Variants in SLC6A3 observed in about 807,000 individuals in gnomAD.
SLC6A3 encodes sodium-dependent dopamine transporter.
In SLC6A3, 19 loss-of-function variants were observed where a neutral mutation model predicts 70.4. The ratio of observed to expected loss-of-function variants is 0.27; its 90% CI spans 0.19 to 0.40. The LOEUF is 0.40. SLC6A3 is among the 10% of genes least tolerant of loss of function. The pLI is 1.00. For missense variants in SLC6A3, 613 were observed against 838.5 expected (o/e 0.73, Z 3.32); for synonymous variants, 368 against 356.6 (o/e 1.03, Z -0.36).
chr5:1,405,921 C>A lies in SLC6A3; in HGVS notation c.1599+267G>T, dbSNP rs6876225. ...AGCTTCCCCTCCCAACACAGAGGCG[C>A]GGCCCAAGTGCAGGACTCACAACGG... On this transcript the variant is annotated intron_variant, in intron 12 of 14. Transcript: ENST00000270349. The surrounding 1 kb of genome is among the most constrained non-coding windows in gnomAD (Gnocchi z 5.3). Among the ~76,000 whole-genome samples the A allele has an allele frequency of 0.085, 12,912 of 152,270 alleles. 694 individuals are homozygous for A. Among genetic ancestry groups the A allele is most frequent in the African/African-American group, 0.15 (6,346 of 41,538 alleles).
At chr5:1,440,155 A>G (rs1380695564) in intron 3 of SLC6A3, among the ~76,000 whole-genome samples, 1 of 152,210 alleles carries the variant, frequency 6.6e-6, no homozygotes, top group Non-Finnish European at 1.5e-5. Flanking sequence ...CGATAGGTGG[A>G]TGGATGGATT....
chr5:1,418,540 CATCCATCCTATTGTAT>C (rs1345344714), intron 6 of SLC6A3, among the ~76,000 whole-genome samples: 17 of 152,258 alleles, frequency 1.1e-4, no homozygotes, highest in African/African-American at 3.9e-4. Flanking sequence ...TATCTATCTC[CATCCATCCTATTGTAT>C]ATCCATCCTA....
At chr5:1,409,987 A>G in intron 9 of SLC6A3, 138 bp from the exon 10 acceptor site, 1 of 1,095,112 alleles carries the variant, frequency 9.1e-7, no homozygotes, top group Non-Finnish European at 1.4e-6. Flanking sequence ...TCCAGGGTGC[A>G]GGATGCCTGG....
chr5:1,444,613 G>A (rs985434540), intron 1 of SLC6A3, among the ~76,000 whole-genome samples: 1 of 152,206 alleles, frequency 6.6e-6, no homozygotes, highest in African/African-American at 2.4e-5. Flanking sequence ...CGACCCCTCC[G>A]GTGGGTAAAA....
At chr5:1,416,566 C>CT in intron 6 of SLC6A3, 8 of 327,880 alleles carry the variant, frequency 2.4e-5, no homozygotes, top group South Asian at 9.7e-5. Context: ...CTCGGAACAG[C>CT]ACGGCCTCAT....
chr5:1,401,755 G>A lies in SLC6A3; in HGVS notation c.1768-769C>T, dbSNP rs1013764913. Among the ~76,000 whole-genome samples, 1 of 152,244 alleles carries A rather than the reference G, an allele frequency of 6.6e-6. No individual in the cohort carries two copies. Among genetic ancestry groups the A allele is most frequent in the African/African-American group, 2.4e-5 (1 of 41,468 alleles). On this transcript the variant is annotated intron_variant, in intron 13 of 14. Coordinates refer to ENST00000270349, the MANE Select transcript of SLC6A3 (RefSeq NM_001044.5). This position sits in a 1 kb window ranked among gnomAD's most constrained non-coding sequence, Gnocchi z 6.1. ...GGCTGTAGGCATCCTCCAGCTCTGC[G>A]CTGACCTGGGCCCCGCCTCCCACGT...
intron 4 of SLC6A3, among the ~76,000 whole-genome samples, chr5:1,422,665 G>A (rs11741780): frequency 0.51 from 18,169 of 35,546 alleles, 7,092 homozygotes; most frequent in Non-Finnish European, 0.66. Context: ...GGTACCCACC[G>A]CTGCCCAGTG....
rs973892995 is a variant in SLC6A3, at chr5:1,402,446, A to G, written c.1767+476T>C. Among the ~76,000 whole-genome samples, 3 of 151,614 alleles carry G rather than the reference A, an allele frequency of 2.0e-5. No homozygotes were observed. The highest frequency in any genetic ancestry group is 7.3e-5 in the African/African-American group (3 of 41,204). On this transcript the variant is annotated intron_variant, in intron 13 of 14. Coordinates refer to ENST00000270349, the MANE Select transcript of SLC6A3 (RefSeq NM_001044.5). This position sits in a 1 kb window ranked among gnomAD's most constrained non-coding sequence, Gnocchi z 8.5. ...CAAAGTTGGGCTCGGCCCTGGGGGGACCTAGATCACCCCTGATTCTACCGC... is the reference window on the plus strand; with the variant it reads ...CAAAGTTGGGCTCGGCCCTGGGGGGGCCTAGATCACCCCTGATTCTACCGC...
Position 1,432,496 on chromosome 5 carries a change from A to G in SLC6A3, c.621T>C (p.Thr207=), listed in dbSNP as rs774021240. 39 of 1,614,168 alleles carry G rather than the reference A, an allele frequency of 2.4e-5. No homozygotes were observed. The highest frequency in any genetic ancestry group is 2.1e-5 in the Non-Finnish European group (25 of 1,180,006). The change falls in exon 4 of 15, where the codon ACT becomes ACC. Residue 207 remains threonine (T), a synonymous_variant. Coordinates refer to ENST00000270349, the MANE Select transcript of SLC6A3 (RefSeq NM_001044.5). The part of the protein sequence containing the change: ...SSGDSSGLND[T]FGTTPAAEYF... ...ACTCGGCAGCAGGTGTGGTCCCAAA[A>G]GTGTCGTTGAGGCCCGAGCTGTCTC...
chr5:1,438,463 C>T lies in SLC6A3; in HGVS notation c.418+2896G>A, dbSNP rs2617607. ...GGCTGCATTTCTTCAGAACGAGGTGCCACTGCTCACGCTGATGGAAGTCAG... is the reference window on the plus strand; with the variant it reads ...GGCTGCATTTCTTCAGAACGAGGTGTCACTGCTCACGCTGATGGAAGTCAG... On this transcript the variant is annotated intron_variant, in intron 3 of 14. Coordinates refer to ENST00000270349, the MANE Select transcript of SLC6A3 (RefSeq NM_001044.5). The surrounding 1 kb of genome is among the most constrained non-coding windows in gnomAD (Gnocchi z 6.5). 6.6e-6 allele frequency among the ~76,000 whole-genome samples: 1 copy of T among 152,248 alleles called. No homozygotes were observed.
chr5:1,412,400 C>T (rs1042596514), intron 8 of SLC6A3, among the ~76,000 whole-genome samples: 5 of 152,210 alleles, frequency 3.3e-5, no homozygotes, highest in Non-Finnish European at 5.9e-5. Flanking sequence ...AAGAGACAAA[C>T]CTGCTACCTT....
rs1271645273 is a variant in SLC6A3 at position 1,421,893 on chromosome 5, C to T, written c.775G>A (p.Val259Met). Reference sequence around the variant, plus strand: ...AGCCTCACCTTCCCTGAGGTCTTCACGCCCTTCCAGAGGCTGAAGTAGAGC... The same window carrying T: ...AGCCTCACCTTCCCTGAGGTCTTCATGCCCTTCCAGAGGCTGAAGTAGAGC... The part of the protein sequence containing the change: ...VLLYFSLWKG[V>M]KTSGKVVWIT... The change falls in exon 5 of 15, where the codon GTG becomes ATG. Residue 259 changes from valine (V) to methionine (M), a missense_variant. Physicochemically the swap from Val to Met is conservative, Grantham distance 21. Coordinates refer to ENST00000270349, the MANE Select transcript of SLC6A3 (RefSeq NM_001044.5). The surrounding 1 kb of genome is among the most constrained non-coding windows in gnomAD (Gnocchi z 7.2). 3 of 1,613,324 alleles carry T rather than the reference C, an allele frequency of 1.9e-6. No homozygotes were observed. The highest frequency in any genetic ancestry group is 1.7e-6 in the Non-Finnish European group (2 of 1,180,020).
intron 4 of SLC6A3, among the ~76,000 whole-genome samples, chr5:1,422,424 G>A (rs546273005): frequency 4.2e-5 from 6 of 141,680 alleles, no homozygotes; most frequent in Admixed American, 7.1e-5. Flanking sequence ...TGCTGCCCAC[G>A]CTGCTGGGTA....
chr5:1,434,078 C>T (rs551146501), intron 3 of SLC6A3, among the ~76,000 whole-genome samples: 2 of 152,382 alleles, frequency 1.3e-5, no homozygotes, highest in African/African-American at 4.8e-5. Context: ...TCTATAGCTG[C>T]TCATGCCTCT....
At position 1,394,758 on chromosome 5, in the gene SLC6A3, G is replaced by C; in HGVS notation, c.1840C>G (p.Leu614Val). ...VDRGEVRQFT[L>V]RHWLKV is the part of the protein sequence containing the mutation. ...CTCTACACCTTGAGCCAGTGGCGGA[G>C]CTGGAAAGAAAACAGGTTTAGTCAG... Residue 614 changes from leucine to valine, a missense_variant and splice_region_variant, in exon 15 of 15, where the codon CTC becomes GTC. By Grantham distance (32) the Leu-to-Val change is conservative (BLOSUM62 1). Around this residue, in one of 4 missense-constraint regions of SLC6A3, gnomAD observed 348 missense variants for 481.2 expected, o/e 0.72. Coordinates refer to ENST00000270349, the MANE Select transcript of SLC6A3 (RefSeq NM_001044.5). This position sits in a 1 kb window ranked among gnomAD's most constrained non-coding sequence, Gnocchi z 4.7. 6.2e-7 allele frequency: 1 copy of C among 1,614,160 alleles called. No homozygotes were observed. Among genetic ancestry groups the C allele is most frequent in the Non-Finnish European group, 8.5e-7 (1 of 1,180,014 alleles).
intron 3 of SLC6A3, among the ~76,000 whole-genome samples, chr5:1,439,971 C>T (rs1756935742): frequency 6.6e-6 from 1 of 152,206 alleles, no homozygotes; most frequent in Admixed American, 6.5e-5. Flanking sequence ...TGTGCCCTTC[C>T]CAGGGTCTCA....
chr5:1,407,859 A>G (rs1016089998), intron 11 of SLC6A3, among the ~76,000 whole-genome samples: 3 of 152,238 alleles, frequency 2.0e-5, no homozygotes, highest in African/African-American at 7.2e-5. Flanking sequence ...TTTGTCTCAA[A>G]GTCAGGGCGT....
chr5:1,428,933 C>T (rs1579720387), intron 4 of SLC6A3, among the ~76,000 whole-genome samples: 1 of 152,198 alleles, frequency 6.6e-6, no homozygotes. Flanking sequence ...ATTTATGACA[C>T]GTCATGTTTC....
Position 1,394,761 on chromosome 5 carries a change from G to A in SLC6A3, c.1840-3C>T. Reference sequence around the variant, plus strand: ...TACACCTTGAGCCAGTGGCGGAGCTGGAAAGAAAACAGGTTTAGTCAGAAA... The same window carrying A: ...TACACCTTGAGCCAGTGGCGGAGCTAGAAAGAAAACAGGTTTAGTCAGAAA... On this transcript the variant is annotated splice_polypyrimidine_tract_variant and splice_region_variant and intron_variant, in intron 14 of 14. Transcript: ENST00000270349. This position sits in a 1 kb window ranked among gnomAD's most constrained non-coding sequence, Gnocchi z 4.7. 1 of 1,614,138 alleles carries A rather than the reference G, an allele frequency of 6.2e-7. No homozygotes were observed. The highest frequency in any genetic ancestry group is 2.2e-5 in the East Asian group (1 of 44,870).
Sources: gnomAD v4.1 joint callset for allele counts (sites outside exome capture counted in the v4.1 genomes callset) on GRCh38, gnomAD v4.1.1 for gene constraint, gnomAD v4.1.1 regional missense constraint, Gnocchi (gnomAD v3.1) non-coding constraint, MANE v1.5 for transcripts, NCBI Gene and HGNC (gene_info 2026-07-23, HGNC 2026-07-21) for gene names.